The following TEX11 variants were observed in gnomAD, a reference collection of about 807,000 sequenced individuals.
TEX11 encodes the protein testis-expressed protein 11.
In TEX11, 7 loss-of-function variants were observed where a neutral mutation model predicts 84.4. The ratio of observed to expected loss-of-function variants is 0.08; its 90% confidence interval spans 0.05 to 0.16. TEX11 has a LOEUF of 0.16. TEX11 is among the 10% of genes least tolerant of loss of function. The probability of loss-of-function intolerance (pLI) is 1.00; values close to 1 mark genes in which losing one functional copy is unlikely to be tolerated. For synonymous variants in TEX11, 264 were observed against 222.8 expected (o/e 1.18, Z -1.64); for missense variants, 551 against 660.5 (o/e 0.83, Z 1.82).
At chrX:70,782,645 C>CAAAAAAG (rs2091047555) in intron 9 of TEX11, among the ~76,000 whole-genome samples, 1 of 28,903 alleles carries the variant, frequency 3.5e-5, no homozygotes, top group African/African-American at 2.0e-4. Context: ...AAATGGAAAG[C>CAAAAAAG]AAAAAAAAAA....
intron 16 of TEX11, among the ~76,000 whole-genome samples, chrX:70,669,896 T>C (rs2090007726): frequency 8.9e-6 from 1 of 112,665 alleles, no homozygotes; most frequent in South Asian, 3.6e-4. Context: ...CTTTACCTTC[T>C]AGAATTTTGT....
At chrX:70,654,643 G>A (rs865910936) in intron 16 of TEX11, among the ~76,000 whole-genome samples, 2 of 103,116 alleles carry the variant, frequency 1.9e-5, no homozygotes, top group African/African-American at 7.2e-5. Flanking sequence ...CATGGGAGGC[G>A]GAGTTTGCAG....
intron 25 of TEX11, among the ~76,000 whole-genome samples, chrX:70,585,848 T>A (rs2088846474): frequency 9.0e-6 from 1 of 111,514 alleles, no homozygotes; most frequent in Non-Finnish European, 1.9e-5. Context: ...AGGTCAGGAG[T>A]TCGAGACCAG....
chrX:70,565,242 T>C (rs2088446450), intron 25 of TEX11, among the ~76,000 whole-genome samples: 1 of 100,013 alleles, frequency 1.0e-5, no homozygotes, highest in African/African-American at 4.2e-5. Context: ...CACCCACTTT[T>C]TGATGGGGTT....
At chrX:70,734,452 C>A (rs1456830578) in intron 11 of TEX11, among the ~76,000 whole-genome samples, 1 of 111,086 alleles carries the variant, frequency 9.0e-6, no homozygotes, top group African/African-American at 3.3e-5. Context: ...TGGAAAGTTT[C>A]CAATTCAACA....
the TEX11 span, among the ~76,000 whole-genome samples, chrX:70,518,998 A>G: frequency 9.0e-6 from 1 of 111,382 alleles, no homozygotes; most frequent in South Asian, 3.8e-4. Context: ...TTTTGTGCCT[A>G]TGTGTGTCTC....
At chrX:70,669,333 T>C (rs719345) in intron 16 of TEX11, among the ~76,000 whole-genome samples, 31,637 of 110,998 alleles carry the variant, frequency 0.29, 3,391 homozygotes, top group Admixed American at 0.41. Context: ...AAAGGCTCTG[T>C]GATTGCCTTC....
intron 10 of TEX11, 101 bp from the exon 11 acceptor site, chrX:70,740,897 T>C: frequency 2.1e-6 from 1 of 471,312 alleles, no homozygotes; most frequent in Non-Finnish European, 3.5e-6. Flanking sequence ...TTCTCAAACA[T>C]AAGTCATCTT....
intron 2 of TEX11, among the ~76,000 whole-genome samples, chrX:70,882,375 G>T (rs2147874425): frequency 9.0e-6 from 1 of 111,344 alleles, no homozygotes; most frequent in Non-Finnish European, 1.9e-5. Flanking sequence ...CTGAAGTACA[G>T]TGGGGGATCT....
intron 9 of TEX11, among the ~76,000 whole-genome samples, chrX:70,795,545 G>A (rs1490954244): frequency 8.9e-6 from 1 of 111,996 alleles, no homozygotes; most frequent in Non-Finnish European, 1.9e-5. Flanking sequence ...CCAGTACTAC[G>A]CTGGCTTCAG....
downstream of TEX11, among the ~76,000 whole-genome samples, chrX:70,524,719 C>A (rs35726352): frequency 3.6e-5 from 4 of 112,252 alleles, no homozygotes; most frequent in African/African-American, 1.3e-4. Flanking sequence ...GCATGCGCCA[C>A]CACGTCCGGC....
chrX:70,570,374 C>A (rs1331765779), intron 25 of TEX11, among the ~76,000 whole-genome samples: 1 of 112,296 alleles, frequency 8.9e-6, no homozygotes, highest in African/African-American at 3.2e-5. Flanking sequence ...GACGCAATGC[C>A]TCGCCCTGCT....
At chrX:70,857,559 A>G in intron 5 of TEX11, 1 of 260,015 alleles carries the variant, frequency 3.8e-6, no homozygotes, top group South Asian at 4.7e-5. Flanking sequence ...AACTGTAGCT[A>G]AAGATTCAAG....
intron 8 of TEX11, among the ~76,000 whole-genome samples, chrX:70,827,006 C>T (rs748370280): frequency 3.2e-4 from 36 of 111,132 alleles, no homozygotes; most frequent in Non-Finnish European, 6.4e-4. Flanking sequence ...GAAAGTGACT[C>T]CTTCCTTCTG....
At chrX:70,820,242 G>C (rs940424031) in intron 8 of TEX11, among the ~76,000 whole-genome samples, 2 of 111,616 alleles carry the variant, frequency 1.8e-5, no homozygotes, top group African/African-American at 6.5e-5. Context: ...GAATAGAATA[G>C]AAGAGCCAGA....
intron 9 of TEX11, among the ~76,000 whole-genome samples, chrX:70,785,875 T>A (rs745869957): frequency 9.0e-6 from 1 of 111,444 alleles, no homozygotes; most frequent in Admixed American, 9.5e-5. Context: ...TTGGTGGGAG[T>A]GTAAATTACT....
At chrX:70,750,531 A>T (rs1170824507) in intron 9 of TEX11, among the ~76,000 whole-genome samples, 1 of 110,014 alleles carries the variant, frequency 9.1e-6, no homozygotes, top group Admixed American at 9.8e-5. Flanking sequence ...CAAATGTCCA[A>T]CAATGATAGA....
At chrX:70,624,130 G>T (rs943085937) in intron 19 of TEX11, 124 bp from the exon 20 acceptor site, 40 of 360,934 alleles carry the variant, frequency 1.1e-4, no homozygotes, top group Non-Finnish European at 1.7e-4. Context: ...AGAGGGTAAA[G>T]GGGAGATTAA....
intron 28 of TEX11, among the ~76,000 whole-genome samples, chrX:70,541,533 TC>T (rs1476360074): frequency 9.0e-6 from 1 of 111,723 alleles, no homozygotes; most frequent in East Asian, 2.8e-4. Context: ...GGCGAGCAGA[TC>T]ACTTGAGGCC....
Sources: gnomAD v4.1 joint callset for allele counts (sites outside exome capture counted in the v4.1 genomes callset) on GRCh38, gnomAD v4.1.1 for gene constraint, MANE v1.5 for transcripts, NCBI Gene and HGNC (gene_info 2026-07-23, HGNC 2026-07-21) for gene names.